TTLL11: variants seen among roughly 807,000 people sequenced by gnomAD.
TTLL11 encodes the protein tubulin tyrosine ligase like 11.
Under a neutral mutation model 51.7 loss-of-function variants are expected in TTLL11, and 42 were observed. That is an observed-to-expected ratio of 0.81 (90% confidence interval 0.64 to 1.05). The LOEUF (loss-of-function observed/expected upper bound fraction) is 1.05. TTLL11 is among the 50% of genes least tolerant of loss of function. The probability of loss-of-function intolerance (pLI) is 0.00; values close to 1 mark genes in which losing one functional copy is unlikely to be tolerated. For missense variants in TTLL11, 799 were observed against 940.4 expected, an observed-to-expected ratio of 0.85 and a Z score of 1.97; for synonymous variants, 381 against 383.5, an observed-to-expected ratio of 0.99 and a Z score of 0.08.
At chr9:121,920,892 A>T (rs1416955162) in intron 6 of TTLL11, among the ~76,000 whole-genome samples, 2 of 152,238 alleles carry the variant, frequency 1.3e-5, no homozygotes, top group Non-Finnish European at 2.9e-5. Context: ...AGGGCCTAGG[A>T]CCGCTTTGCC....
At chr9:121,970,956 C>T (rs1435828063) in intron 6 of TTLL11, among the ~76,000 whole-genome samples, 24 of 152,226 alleles carry the variant, frequency 1.6e-4, no homozygotes, top group Non-Finnish European at 2.9e-4. Flanking sequence ...AAGCAAATGC[C>T]CATCAATGAT....
intron 8 of TTLL11, among the ~76,000 whole-genome samples, chr9:121,855,458 T>G (rs753068479): frequency 2.0e-5 from 3 of 152,220 alleles, no homozygotes; most frequent in Non-Finnish European, 2.9e-5. Flanking sequence ...AAGGTCTCCT[T>G]TTGCAGGTTA....
At chr9:122,071,251 G>A (rs576317064) in intron 1 of TTLL11, among the ~76,000 whole-genome samples, 6 of 152,214 alleles carry the variant, frequency 3.9e-5, no homozygotes, top group Admixed American at 2.0e-4. Context: ...TTTCCTCCTC[G>A]GTGAGGCTGA....
chr9:121,829,652 T>C (rs1226189985), intron 8 of TTLL11, among the ~76,000 whole-genome samples: 1 of 152,092 alleles, frequency 6.6e-6, no homozygotes, highest in African/African-American at 2.4e-5. Flanking sequence ...TGCAAACTTA[T>C]TTATAGTACC....
intron 6 of TTLL11, among the ~76,000 whole-genome samples, chr9:121,966,274 G>A (rs1842395258): frequency 6.6e-6 from 1 of 152,190 alleles, no homozygotes; most frequent in Non-Finnish European, 1.5e-5. Flanking sequence ...CTGAATAAGA[G>A]GAAAGCAGTC....
At chr9:122,045,548 C>A (rs917027223) in intron 1 of TTLL11, among the ~76,000 whole-genome samples, 1 of 151,378 alleles carries the variant, frequency 6.6e-6, no homozygotes, top group South Asian at 2.1e-4. Flanking sequence ...GAGACTCCAT[C>A]GCAAAAAAAA....
intron 1 of TTLL11, among the ~76,000 whole-genome samples, chr9:122,053,877 T>C (rs1053098434): frequency 1.3e-5 from 2 of 151,762 alleles, no homozygotes; most frequent in African/African-American, 4.8e-5. Flanking sequence ...TAACTAGCGC[T>C]CTGAAGAGCC....
chr9:121,829,774 T>TAC (rs10536790), intron 8 of TTLL11, among the ~76,000 whole-genome samples: 4,565 of 144,034 alleles, frequency 0.032, 118 homozygotes, highest in African/African-American at 0.072. Context: ...ATAATTCAAG[T>TAC]ACACACACAC....
At chr9:122,070,012 C>T (rs71509587) in intron 1 of TTLL11, among the ~76,000 whole-genome samples, 3 of 145,604 alleles carry the variant, frequency 2.1e-5, no homozygotes, top group South Asian at 2.1e-4. Flanking sequence ...CACACACACA[C>T]GCGCACACAC....
chr9:121,993,991 T>C (rs1046976722), intron 3 of TTLL11, among the ~76,000 whole-genome samples: 1 of 152,186 alleles, frequency 6.6e-6, no homozygotes, highest in African/African-American at 2.4e-5. Flanking sequence ...ACACGGTGCA[T>C]GCCAGACAGG....
chr9:121,886,287 C>T (rs942421645), intron 6 of TTLL11, among the ~76,000 whole-genome samples: 3 of 152,166 alleles, frequency 2.0e-5, no homozygotes, highest in Admixed American at 2.0e-4. Flanking sequence ...AGTCCTAACC[C>T]CTGAAACCTG....
intron 3 of TTLL11, among the ~76,000 whole-genome samples, chr9:122,003,732 G>T (rs892957771): frequency 1.3e-5 from 2 of 150,324 alleles, no homozygotes; most frequent in Non-Finnish European, 3.0e-5. Flanking sequence ...TGATCCACCC[G>T]CCTCAGCCTC....
At chr9:122,086,102 C>T (rs1000763788) in intron 1 of TTLL11, among the ~76,000 whole-genome samples, 1 of 152,212 alleles carries the variant, frequency 6.6e-6, no homozygotes, top group Non-Finnish European at 1.5e-5. Context: ...GCACAATACA[C>T]TGTATGTTTT....
intron 6 of TTLL11, among the ~76,000 whole-genome samples, chr9:121,896,778 C>A (rs1361720378): frequency 6.6e-6 from 1 of 152,208 alleles, no homozygotes; most frequent in Non-Finnish European, 1.5e-5. Context: ...CAGCCGAGAT[C>A]ATTTCGGAAA....
intron 8 of TTLL11, among the ~76,000 whole-genome samples, chr9:121,824,223 T>C (rs1836675944): frequency 1.3e-5 from 2 of 152,100 alleles, no homozygotes; most frequent in Admixed American, 6.5e-5. Context: ...ACACCTGTAA[T>C]CCTAGCACTT....
At chr9:121,868,625 C>T (rs1360548212) in intron 7 of TTLL11, among the ~76,000 whole-genome samples, 1 of 152,126 alleles carries the variant, frequency 6.6e-6, no homozygotes, top group Non-Finnish European at 1.5e-5. Flanking sequence ...AGCAAAAAGA[C>T]AGAAAGTGGA....
chr9:121,952,800 C>T (rs1841893073), intron 6 of TTLL11, among the ~76,000 whole-genome samples: 1 of 152,162 alleles, frequency 6.6e-6, no homozygotes, highest in Non-Finnish European at 1.5e-5. Flanking sequence ...GCAGGGGGAA[C>T]TGCTGCCTGC....
At chr9:121,940,185 T>C (rs1162140394) in intron 6 of TTLL11, among the ~76,000 whole-genome samples, 2 of 152,216 alleles carry the variant, frequency 1.3e-5, no homozygotes, top group African/African-American at 4.8e-5. Context: ...AGCTGTGTTA[T>C]ATTTTTTGAA....
Position 121,975,247 on chromosome 9 carries a change from T to C in TTLL11, c.1270-268A>G, listed in dbSNP as rs146222407. Among the ~76,000 whole-genome samples the C allele has an allele frequency of 4.9e-3, 740 of 152,314 alleles. 8 individuals are homozygous for C. The highest frequency in any genetic ancestry group is 0.015 in the African/African-American group (637 of 41,576). Reference sequence around the variant, plus strand: ...AGGGCTGTTGATGACCTCTTTCTTCTTTAACAGGTTTTTTATTATGTTGAG... The same window carrying C: ...AGGGCTGTTGATGACCTCTTTCTTCCTTAACAGGTTTTTTATTATGTTGAG... On this transcript the variant is annotated intron_variant, in intron 4 of 8. Coordinates refer to ENST00000321582, the MANE Select transcript of TTLL11 (RefSeq NM_001139442.2).
Sources: allele counts gnomAD v4.1 joint callset (sites outside exome capture counted in the v4.1 genomes callset), GRCh38; gene constraint gnomAD v4.1.1; transcripts MANE v1.5; gene names NCBI Gene and HGNC (gene_info 2026-07-23, HGNC 2026-07-21).